HNRNPC: variants seen among roughly 807,000 people sequenced by gnomAD.
HNRNPC encodes heterogeneous nuclear ribonucleoprotein C, also known as heterogeneous nuclear ribonucleoproteins C1/C2.
Under a neutral mutation model 33.2 loss-of-function variants are expected in HNRNPC, and 3 were observed. The ratio of observed to expected loss-of-function variants is 0.09; its 90% CI spans 0.04 to 0.23. The LOEUF is 0.23. Ranked by LOEUF, HNRNPC falls within the 10% of genes least tolerant of loss-of-function variation. The pLI is 1.00. For synonymous variants in HNRNPC, 121 were observed against 126.7 expected (o/e 0.96, Z 0.30); for missense variants, 143 against 366.7 (o/e 0.39, Z 4.98).
chr14:21,238,859 G>C (rs915958890), intron 2 of HNRNPC, among the ~76,000 whole-genome samples: 3 of 152,140 alleles, frequency 2.0e-5, no homozygotes, highest in African/African-American at 7.2e-5. Context: ...GGGTGCAGTG[G>C]CTCACACCTG....
At chr14:21,260,139 G>C (rs1449035751) in intron 2 of HNRNPC, among the ~76,000 whole-genome samples, 1 of 144,484 alleles carries the variant, frequency 6.9e-6, no homozygotes, top group African/African-American at 2.6e-5. Flanking sequence ...GGCAGAGCTT[G>C]CAGTGAGCCG....
chr14:21,238,785 C>T (rs1472254912), intron 2 of HNRNPC, among the ~76,000 whole-genome samples: 4 of 152,006 alleles, frequency 2.6e-5, no homozygotes, highest in Non-Finnish European at 5.9e-5. Flanking sequence ...TCGAATAATG[C>T]TGTTAGATAA....
At chr14:21,249,358 A>T (rs1896352583) in intron 2 of HNRNPC, among the ~76,000 whole-genome samples, 1 of 151,444 alleles carries the variant, frequency 6.6e-6, no homozygotes, top group Non-Finnish European at 1.5e-5. Context: ...GTGGATCACC[A>T]GAGGTCAGGA....
chr14:21,224,397 T>G (rs1203362173), intron 5 of HNRNPC, among the ~76,000 whole-genome samples: 1 of 152,198 alleles, frequency 6.6e-6, no homozygotes, highest in Non-Finnish European at 1.5e-5. Flanking sequence ...GCAGCAAAAT[T>G]GCTTGTCTCC....
At chr14:21,217,703 T>C (rs999588668) in intron 5 of HNRNPC, among the ~76,000 whole-genome samples, 1 of 152,164 alleles carries the variant, frequency 6.6e-6, no homozygotes, top group Non-Finnish European at 1.5e-5. Flanking sequence ...TTACAAATAT[T>C]AGTATTTAGG....
chr14:21,265,881 A>T (rs569997532), intron 1 of HNRNPC, among the ~76,000 whole-genome samples: 2 of 152,304 alleles, frequency 1.3e-5, no homozygotes, highest in African/African-American at 4.8e-5. Context: ...CCTTCTTCTA[A>T]AGGGGCACCT....
chr14:21,256,308 G>A (rs1380301609), intron 2 of HNRNPC, among the ~76,000 whole-genome samples: 1 of 152,030 alleles, frequency 6.6e-6, no homozygotes, highest in East Asian at 1.9e-4. Context: ...AATTAGCTGG[G>A]CTTGGTGGCT....
chr14:21,226,984 AAACAATTT>A (rs1263330342), intron 5 of HNRNPC, among the ~76,000 whole-genome samples: 2 of 152,036 alleles, frequency 1.3e-5, no homozygotes, highest in African/African-American at 2.4e-5. Context: ...TTCTTTGATT[AAACAATTT>A]AACATAGTCA....
chr14:21,251,105 C>CA (rs1290102900), intron 2 of HNRNPC, among the ~76,000 whole-genome samples: 1 of 151,440 alleles, frequency 6.6e-6, no homozygotes, highest in Non-Finnish European at 1.5e-5. Flanking sequence ...ACTGAAAACA[C>CA]AAAAAATTAG....
chr14:21,244,607 T>A (rs921024903), intron 2 of HNRNPC, among the ~76,000 whole-genome samples: 1 of 152,206 alleles, frequency 6.6e-6, no homozygotes. Flanking sequence ...TGGAATTACA[T>A]TCATCAGTAA....
chr14:21,216,260 CAG>C (rs1363439201), intron 5 of HNRNPC, among the ~76,000 whole-genome samples: 1 of 151,964 alleles, frequency 6.6e-6, no homozygotes, highest in Non-Finnish European at 1.5e-5. Context: ...TAGCTGCAAA[CAG>C]TGACATTTCC....
At chr14:21,222,066 A>AAG (rs1566603124) in intron 5 of HNRNPC, among the ~76,000 whole-genome samples, 2 of 125,682 alleles carry the variant, frequency 1.6e-5, no homozygotes, top group Non-Finnish European at 3.3e-5. Flanking sequence ...AAAAAAAAAA[A>AAG]GCTGAAAAAC....
intron 1 of HNRNPC, among the ~76,000 whole-genome samples, chr14:21,267,717 G>A (rs1266079591): frequency 6.6e-6 from 1 of 152,132 alleles, no homozygotes; most frequent in Non-Finnish European, 1.5e-5. Context: ...TTTTTGGTGC[G>A]CTGATATACA....
intron 5 of HNRNPC, among the ~76,000 whole-genome samples, chr14:21,230,039 C>A (rs1216750444): frequency 6.6e-6 from 1 of 152,156 alleles, no homozygotes; most frequent in Non-Finnish European, 1.5e-5. Context: ...CCCAAAGCCA[C>A]CCATAACCCA....
chr14:21,254,833 G>A (rs998282143), intron 2 of HNRNPC, among the ~76,000 whole-genome samples: 2 of 151,756 alleles, frequency 1.3e-5, no homozygotes, highest in Non-Finnish European at 1.5e-5. Flanking sequence ...TTGAATCCGG[G>A]AGGCGGAGGT....
chr14:21,255,461 C>A (rs999864470), intron 2 of HNRNPC, among the ~76,000 whole-genome samples: 4 of 152,200 alleles, frequency 2.6e-5, no homozygotes, highest in Non-Finnish European at 5.9e-5. Flanking sequence ...AATGTTGATA[C>A]AGGCAACACG....
At chr14:21,259,921 C>G (rs1360215618) in intron 2 of HNRNPC, among the ~76,000 whole-genome samples, 1 of 148,782 alleles carries the variant, frequency 6.7e-6, no homozygotes, top group Non-Finnish European at 1.5e-5. Flanking sequence ...TCAGGTGGGC[C>G]GGGCGCGGTG....
intron 2 of HNRNPC, among the ~76,000 whole-genome samples, chr14:21,255,848 G>A (rs781722276): frequency 6.6e-6 from 1 of 152,176 alleles, no homozygotes; most frequent in African/African-American, 2.4e-5. Context: ...TTTAGGAGAA[G>A]GGGAGCTTAA....
intron 2 of HNRNPC, among the ~76,000 whole-genome samples, chr14:21,251,158 G>T (rs752487091): frequency 2.7e-5 from 4 of 149,820 alleles, no homozygotes; most frequent in Non-Finnish European, 5.9e-5. Flanking sequence ...CTACTCGGGA[G>T]GCTAAGGCAG....
Sources: gnomAD v4.1 joint callset for allele counts (sites outside exome capture counted in the v4.1 genomes callset) on GRCh38, gnomAD v4.1.1 for gene constraint, MANE v1.5 for transcripts, NCBI Gene and HGNC (gene_info 2026-07-23, HGNC 2026-07-21) for gene names.